CPA6: variants seen among roughly 807,000 people sequenced by gnomAD.
CPA6 encodes the protein carboxypeptidase A6, also known as carboxypeptidase B.
CPA6 carries 58 observed loss-of-function variants against 63.3 expected under a neutral mutation model. That is an observed-to-expected ratio of 0.92 (90% confidence interval 0.74 to 1.14). The LOEUF is 1.14. Among genes scored for constraint, CPA6 ranks in the 50% most tolerant of loss-of-function variants. CPA6 has a pLI of 0.00. For missense variants in CPA6, 565 were observed against 526.6 expected (o/e 1.07, Z -0.71); for synonymous variants, 185 against 179.0 (o/e 1.03, Z -0.27).
chr8:67,461,833 C>A (rs1263585782), intron 8 of CPA6, among the ~76,000 whole-genome samples: 1 of 152,188 alleles, frequency 6.6e-6, no homozygotes, highest in African/African-American at 2.4e-5. Context: ...CCCCCCACCT[C>A]CCTCCCGGAT....
At chr8:67,451,296 C>T (rs1206509040) in intron 8 of CPA6, among the ~76,000 whole-genome samples, 1 of 152,166 alleles carries the variant, frequency 6.6e-6, no homozygotes, top group Non-Finnish European at 1.5e-5. Flanking sequence ...AGCTCTGCCT[C>T]CTGTCAGATC....
At position 67,703,384 on chromosome 8, in the gene CPA6, C is replaced by T. The variant is rs61133660; in HGVS notation, c.116+42630G>A. ...CAGGAGGCCAGCAAGAGTGGTGAGG[C>T]TAAAGCCTAAGACCATGAAATATTT... is the stretch of plus-strand genomic sequence containing the variant. On this transcript the variant is annotated intron_variant, in intron 1 of 10. Coordinates refer to ENST00000297770, the MANE Select transcript of CPA6 (RefSeq NM_020361.5). 7.1e-3 allele frequency among the ~76,000 whole-genome samples: 1,084 copies of T among 152,266 alleles called. 17 individuals carry two copies. Among genetic ancestry groups the T allele is most frequent in the African/African-American group, 0.025 (1,025 of 41,550 alleles).
At chr8:67,511,422 T>C (rs979331152) in intron 4 of CPA6, 119 bp downstream of exon 4, 13 of 661,752 alleles carry the variant, frequency 2.0e-5, no homozygotes, top group Non-Finnish European at 3.2e-5. Context: ...CTTCACATAG[T>C]ACCTTCTCTG....
chr8:67,500,708 AT>A (rs143057233), intron 6 of CPA6, among the ~76,000 whole-genome samples: 4,576 of 151,244 alleles, frequency 0.03, 228 homozygotes, highest in African/African-American at 0.1. Flanking sequence ...TTTTGAGTTA[AT>A]TTTTTTGTAT....
At chr8:67,492,197 A>G (rs1811621262) in intron 6 of CPA6, among the ~76,000 whole-genome samples, 1 of 152,220 alleles carries the variant, frequency 6.6e-6, no homozygotes, top group Non-Finnish European at 1.5e-5. Context: ...AGCCACAGGA[A>G]TACAGTGAGG....
At chr8:67,551,301 G>A (rs1255044287) in intron 2 of CPA6, among the ~76,000 whole-genome samples, 1 of 152,022 alleles carries the variant, frequency 6.6e-6, no homozygotes, top group Non-Finnish European at 1.5e-5. Context: ...TTTCTCCATT[G>A]CTTATTTTTT....
rs564259689 is a variant in CPA6, at chr8:67,428,055, G to T, written c.1118C>A (p.Thr373Lys). The T allele has an allele frequency of 9.3e-6, 15 of 1,607,246 alleles. No homozygotes were observed. The East Asian group carries it at 3.1e-4, about 33-fold the overall frequency. Residue 373 changes from threonine (T) to lysine (K), a missense_variant, in exon 10 of 11, where the codon ACA becomes AAA. Transcript: ENST00000297770. ...GVRYRYGPASTTLYVSSGSSM... is the reference protein window; with the variant it reads ...GVRYRYGPASKTLYVSSGSSM... The stretch of plus-strand genomic sequence containing the variant: ...GTACGCAGGAAACTTACACAACGTT[G>T]TGGAGGCTGGTCCATATCTGTATCG...
At chr8:67,627,517 A>G (rs1815220315) in intron 1 of CPA6, among the ~76,000 whole-genome samples, 1 of 152,202 alleles carries the variant, frequency 6.6e-6, no homozygotes, top group Non-Finnish European at 1.5e-5. Flanking sequence ...TGGGGTTAAG[A>G]TGAGGGAATC....
In CPA6 at chr8:67,437,159, G is replaced by A. The variant is rs567337821; in HGVS notation, c.839-2919C>T. 4.6e-5 allele frequency among the ~76,000 whole-genome samples: 7 copies of A among 152,338 alleles called. No homozygotes were observed. In the South Asian group the frequency reaches 1.2e-3, roughly 27 times the overall value. On this transcript the variant is annotated intron_variant, in intron 8 of 10. Transcript: ENST00000297770. ...GCTTGTAATCCCAGCACTTTGGGAG[G>A]ACGAGGCGGGCGGATCACGAGGTCA...
At chr8:67,473,149 GAAGAA>G (rs1225059679) in intron 8 of CPA6, among the ~76,000 whole-genome samples, 1 of 152,210 alleles carries the variant, frequency 6.6e-6, no homozygotes, top group African/African-American at 2.4e-5. Flanking sequence ...AATAGGAAGA[GAAGAA>G]AAGGAAAGCT....
intron 3 of CPA6, among the ~76,000 whole-genome samples, chr8:67,513,965 AT>A (rs397891508): frequency 0.03 from 4,290 of 145,200 alleles, 188 homozygotes; most frequent in African/African-American, 0.099. Context: ...AACATAGAAA[AT>A]TTTTTTTTTT....
At chr8:67,611,171 C>G (rs374789962) in intron 2 of CPA6, among the ~76,000 whole-genome samples, 13 of 152,076 alleles carry the variant, frequency 8.5e-5, no homozygotes, top group Non-Finnish European at 1.6e-4. Flanking sequence ...CAACCTCCAC[C>G]TCCCAGGTTC....
intron 1 of CPA6, among the ~76,000 whole-genome samples, chr8:67,697,879 A>G (rs1019409334): frequency 1.3e-5 from 2 of 152,202 alleles, no homozygotes; most frequent in Admixed American, 6.5e-5. Context: ...ATTTAAAAGT[A>G]TATATGTCTG....
At chr8:67,576,637 A>G (rs1240241750) in intron 2 of CPA6, among the ~76,000 whole-genome samples, 1 of 152,224 alleles carries the variant, frequency 6.6e-6, no homozygotes, top group East Asian at 1.9e-4. Flanking sequence ...TTTTTCTTAC[A>G]ATTATACATA....
intron 1 of CPA6, among the ~76,000 whole-genome samples, chr8:67,674,140 G>A (rs1816417512): frequency 6.6e-6 from 1 of 152,210 alleles, no homozygotes; most frequent in African/African-American, 2.4e-5. Flanking sequence ...GTCATGACAT[G>A]ACAGAGAGGG....
chr8:67,515,553 G>A (rs1323066204), intron 3 of CPA6, among the ~76,000 whole-genome samples: 8 of 152,198 alleles, frequency 5.3e-5, no homozygotes, highest in Admixed American at 2.6e-4. Context: ...TATACGCCGT[G>A]AATCTTCTCG....
intron 2 of CPA6, among the ~76,000 whole-genome samples, 197 bp downstream of exon 2, chr8:67,623,979 A>G (rs1253717313): frequency 6.6e-6 from 1 of 152,108 alleles, no homozygotes; most frequent in Non-Finnish European, 1.5e-5. Flanking sequence ...CTTGGACAAC[A>G]GAGTGAGACT....
Position 67,484,540 on chromosome 8 carries a change from A to C in CPA6, c.747+139T>G, listed in dbSNP as rs914451206. The C allele has an allele frequency of 1.1e-5, 6 of 522,624 alleles. No homozygotes were observed. In the Admixed American group the frequency reaches 1.4e-4, roughly 12 times the overall value. The allele number at this position is 522,624 out of a possible 1,614,324, so 32.4% of individuals were successfully genotyped here. A position where few individuals can be genotyped will look rare whatever the true frequency, so the allele number is the denominator to read the frequency against. On this transcript the variant is annotated intron_variant, in intron 7 of 10. Coordinates refer to ENST00000297770, the MANE Select transcript of CPA6 (RefSeq NM_020361.5). ...AATTGTTGGTGCTCTGATTGGGGAA[A>C]GAGTGAAGGCCTCTTTTGCATCTCT...
intron 8 of CPA6, among the ~76,000 whole-genome samples, chr8:67,476,050 T>C (rs1403694853): frequency 1.3e-5 from 2 of 150,778 alleles, no homozygotes; most frequent in Non-Finnish European, 2.9e-5. Flanking sequence ...AGTCTTGCTC[T>C]GTTGCTGAGG....
Sources: gnomAD v4.1 joint callset for allele counts (sites outside exome capture counted in the v4.1 genomes callset) on GRCh38, gnomAD v4.1.1 for gene constraint, MANE v1.5 for transcripts, NCBI Gene and HGNC (gene_info 2026-07-23, HGNC 2026-07-21) for gene names.